Variants in MMP26 observed in about 807,000 individuals in gnomAD.
MMP26 encodes the protein matrix metalloproteinase-26.
In MMP26, 33 loss-of-function variants were observed where a neutral mutation model predicts 31.0. The observed-to-expected ratio is 1.06, with a 90% CI of 0.81 to 1.42. The LOEUF (loss-of-function observed/expected upper bound fraction) is 1.42, where lower values mean the gene tolerates loss of function less well. MMP26 is among the 40% of genes most tolerant of loss of function. The pLI is 0.00. For missense variants in MMP26, 347 were observed against 316.1 expected, an observed-to-expected ratio of 1.10 and a Z score of -0.74; for synonymous variants, 122 against 114.9, an observed-to-expected ratio of 1.06 and a Z score of -0.40.
chr11:4,848,640 G>C (rs774109291), intron 2 of MMP26: 1 of 1,612,556 alleles, frequency 6.2e-7, no homozygotes, highest in African/African-American at 1.3e-5. Context: ...AGCCACATCT[G>C]GATGCAAGCA....
chr11:4,821,483 G>T lies in MMP26; in HGVS notation c.-145+54142G>T. On this transcript the variant is annotated intron_variant, in intron 2 of 7. Coordinates refer to ENST00000380390, the MANE Select transcript of MMP26 (RefSeq NM_021801.5). Reference sequence around the variant, plus strand: ...ATCTTCCTCCTGATGGGCATTCCAGGCCTGAAAGCCACCCAGTACTGGATC... The same window carrying T: ...ATCTTCCTCCTGATGGGCATTCCAGTCCTGAAAGCCACCCAGTACTGGATC... 3.1e-6 allele frequency: 5 copies of T among 1,612,934 alleles called. No individual in the cohort carries two copies. In the South Asian group the frequency reaches 5.5e-5, roughly 18 times the overall value.
At chr11:4,789,790 C>T (rs12804065) in intron 2 of MMP26, among the ~76,000 whole-genome samples, 14,336 of 151,158 alleles carry the variant, frequency 0.095, 849 homozygotes, top group Middle Eastern at 0.15. Flanking sequence ...TATGCCCGCC[C>T]CAGCCTCCTA....
chr11:4,816,330 T>A (rs546419264), intron 2 of MMP26, among the ~76,000 whole-genome samples: 1 of 152,206 alleles, frequency 6.6e-6, no homozygotes, highest in Admixed American at 6.5e-5. Context: ...TCTAGAAGAA[T>A]ATGTATTCTG....
intron 2 of MMP26, among the ~76,000 whole-genome samples, chr11:4,935,010 G>A (rs1434172506): frequency 6.6e-6 from 1 of 151,636 alleles, no homozygotes; most frequent in Non-Finnish European, 1.5e-5. Flanking sequence ...CAGGTAGTGT[G>A]ATGCCTCCAG....
At chr11:4,758,487 A>C (rs1053074132) in intron 1 of MMP26, among the ~76,000 whole-genome samples, 2 of 142,262 alleles carry the variant, frequency 1.4e-5, no homozygotes, top group African/African-American at 2.6e-5. Flanking sequence ...AAAAAAAAAA[A>C]CTAAAATAAA....
rs569932155 is a variant in MMP26, at chr11:4,971,271, G to A, written c.-144-16797G>A. Reference sequence around the variant, plus strand: ...CAGTTTCTGCTTACCTGGGATTGTAGCACAGCTTCTTGAGTACACACAAAA... The same window carrying A: ...CAGTTTCTGCTTACCTGGGATTGTAACACAGCTTCTTGAGTACACACAAAA... On this transcript the variant is annotated intron_variant, in intron 2 of 7. Coordinates refer to ENST00000380390, the MANE Select transcript of MMP26 (RefSeq NM_021801.5). Among the ~76,000 whole-genome samples, 9 of 152,236 alleles carry A rather than the reference G, an allele frequency of 5.9e-5. No homozygotes were observed. In the South Asian group the frequency reaches 1.9e-3, roughly 32 times the overall value.
rs932603139 is a variant in MMP26 at position 4,876,113 on chromosome 11, A to G, written c.-145+108772A>G. The G allele has an allele frequency of 2.0e-5, 3 of 152,144 alleles. No homozygotes were observed. In the South Asian group the frequency reaches 6.2e-4, roughly 31 times the overall value. 9.4% of individuals were successfully genotyped at this position (152,144 alleles called of 1,614,324 possible). On this transcript the variant is annotated intron_variant, in intron 2 of 7. Coordinates refer to ENST00000380390, the MANE Select transcript of MMP26 (RefSeq NM_021801.5). The stretch of plus-strand genomic sequence containing the variant: ...TGCACACACATACATCCACACATTT[A>G]TATCTGCACATCTGTGTTTATGAAC...
intron 2 of MMP26, among the ~76,000 whole-genome samples, chr11:4,970,731 G>T (rs1846654611): frequency 6.6e-6 from 1 of 152,188 alleles, no homozygotes; most frequent in Admixed American, 6.5e-5. Flanking sequence ...GAACCCTTGG[G>T]AGTGCATTTC....
chr11:4,805,761 C>T (rs1028799095), intron 2 of MMP26, among the ~76,000 whole-genome samples: 11 of 152,164 alleles, frequency 7.2e-5, no homozygotes, highest in Non-Finnish European at 1.3e-4. Context: ...TAGAGGTTGC[C>T]CTGCTACAGT....
chr11:4,908,452 A>G (rs1442036339), intron 2 of MMP26: 1 of 735,354 alleles, frequency 1.4e-6, no homozygotes, highest in Non-Finnish European at 2.4e-6. Flanking sequence ...AATAAAGTTG[A>G]GAATATAACT....
At chr11:4,749,996 C>T (rs960143588) in intron 1 of MMP26, among the ~76,000 whole-genome samples, 1 of 152,108 alleles carries the variant, frequency 6.6e-6, no homozygotes, top group African/African-American at 2.4e-5. Flanking sequence ...GAACAGATAA[C>T]TTGCAGAAGG....
At chr11:4,953,714 T>A (rs1365791011) in intron 2 of MMP26, among the ~76,000 whole-genome samples, 1 of 125,250 alleles carries the variant, frequency 8.0e-6, no homozygotes, top group African/African-American at 2.7e-5. Flanking sequence ...TCTGATGATG[T>A]TGAACAAGTA....
intron 2 of MMP26, chr11:4,914,707 C>T: frequency 6.3e-7 from 1 of 1,589,052 alleles, no homozygotes; most frequent in Non-Finnish European, 8.6e-7. Flanking sequence ...GTGGCTCTAA[C>T]ACTAGACACA....
intron 4 of MMP26, 29 bp from the exon 5 acceptor site, chr11:4,990,569 C>T: frequency 6.3e-7 from 1 of 1,597,034 alleles, no homozygotes; most frequent in South Asian, 1.1e-5. Flanking sequence ...TTCCTCTGAA[C>T]TATTTCATTT....
chr11:4,874,541 T>C (rs1850353838), intron 2 of MMP26, among the ~76,000 whole-genome samples: 1 of 148,480 alleles, frequency 6.7e-6, no homozygotes, highest in East Asian at 1.9e-4. Flanking sequence ...AGAACTTTGC[T>C]TGTATATGTG....
chr11:4,739,862 G>A (rs1848288959), intron 1 of MMP26, among the ~76,000 whole-genome samples: 1 of 152,050 alleles, frequency 6.6e-6, no homozygotes, highest in African/African-American at 2.4e-5. Context: ...GCCATTTAAT[G>A]TTAATAGTAA....
At chr11:4,771,943 G>A (rs768199309) in intron 2 of MMP26, among the ~76,000 whole-genome samples, 39 of 152,118 alleles carry the variant, frequency 2.6e-4, no homozygotes, top group Non-Finnish European at 4.1e-4. Flanking sequence ...AAGTCAACAC[G>A]ATAAATATAT....
At chr11:4,797,222 G>C (rs1849119989) in intron 2 of MMP26, among the ~76,000 whole-genome samples, 1 of 152,156 alleles carries the variant, frequency 6.6e-6, no homozygotes, top group South Asian at 2.1e-4. Context: ...TAGTAAGACA[G>C]AAGACACATT....
At chr11:4,895,284 C>A (rs918553335) in intron 2 of MMP26, among the ~76,000 whole-genome samples, 1 of 152,136 alleles carries the variant, frequency 6.6e-6, no homozygotes, top group Admixed American at 6.6e-5. Flanking sequence ...CCAAATTGTT[C>A]TCTGGTCCCT....
Sources: allele counts gnomAD v4.1 joint callset (sites outside exome capture counted in the v4.1 genomes callset), GRCh38; gene constraint gnomAD v4.1.1; transcripts MANE v1.5; gene names NCBI Gene and HGNC (gene_info 2026-07-23, HGNC 2026-07-21).